USP15: variants seen among roughly 807,000 people sequenced by gnomAD.
USP15 encodes the protein ubiquitin specific peptidase 15.
USP15 carries 18 observed loss-of-function variants against 127.1 expected under a neutral mutation model. The observed-to-expected ratio is 0.14, with a 90% CI of 0.10 to 0.21. The LOEUF is 0.21. USP15 is among the 10% of genes least tolerant of loss of function. The pLI is 1.00. For missense variants in USP15, 805 were observed against 1,159.9 expected (o/e 0.69, Z 4.44); for synonymous variants, 364 against 393.7 (o/e 0.92, Z 0.89).
rs570906886 is a variant in USP15, at chr12:62,415,578, G to T, written c.*11203G>T. 1 of 152,334 alleles carries T rather than the reference G, an allele frequency of 6.6e-6. No homozygotes were observed. Among genetic ancestry groups the T allele is most frequent in the South Asian group, 2.1e-4 (1 of 4,826 alleles). The allele number at this position is 152,334 out of a possible 1,614,324, so 9.4% of individuals were successfully genotyped here. A position where few individuals can be genotyped will look rare whatever the true frequency, so the allele number is the denominator to read the frequency against. ...TTTGTGCAACTCACCTCACCTCTCT[G>T]CCTTTCACCTCTCTGTAAACTAGAG... On this transcript the variant is annotated 3_prime_UTR_variant, in exon 22 of 22. Coordinates refer to ENST00000280377, the MANE Select transcript of USP15 (RefSeq NM_001252078.2).
intron 1 of USP15, among the ~76,000 whole-genome samples, chr12:62,278,934 GT>G (rs1037613222): frequency 2.0e-5 from 3 of 152,112 alleles, no homozygotes; most frequent in Admixed American, 6.6e-5. Context: ...ATGCTTATCA[GT>G]TTCACACCAT....
intron 1 of USP15, among the ~76,000 whole-genome samples, chr12:62,272,331 A>C (rs1252267298): frequency 6.6e-6 from 1 of 151,996 alleles, no homozygotes; most frequent in Non-Finnish European, 1.5e-5. Flanking sequence ...AGGACTGCCT[A>C]TGCCTACTCT....
chr12:62,389,386 T>C (rs764096593), intron 11 of USP15, 45 bp from the exon 12 acceptor site: 4 of 1,535,902 alleles, frequency 2.6e-6, no homozygotes, highest in South Asian at 1.2e-5. Flanking sequence ...TACTGAATTT[T>C]TTTTCCAAAA....
At chr12:62,351,696 A>G (rs1166872046) in intron 7 of USP15, among the ~76,000 whole-genome samples, 2 of 152,020 alleles carry the variant, frequency 1.3e-5, no homozygotes, top group East Asian at 1.9e-4. Context: ...TGACTACATT[A>G]TATTTTTAGC....
chr12:62,335,376 A>G (rs1180842246), intron 6 of USP15: 2 of 1,423,104 alleles, frequency 1.4e-6, no homozygotes, highest in Non-Finnish European at 1.8e-6. Flanking sequence ...TTATCACTCA[A>G]CAGTAATGTC....
Position 62,294,302 on chromosome 12 carries a change from C to T in USP15, c.213C>T (p.Leu71=), listed in dbSNP as rs1280844984. 1.2e-6 allele frequency: 2 copies of T among 1,605,196 alleles called. No homozygotes were observed. Among genetic ancestry groups the T allele is most frequent in the East Asian group, 4.5e-5 (2 of 44,426 alleles). Residue 71 remains leucine (L), a synonymous_variant, in exon 2 of 22, where the codon CTC becomes CTT. Coordinates refer to ENST00000280377, the MANE Select transcript of USP15 (RefSeq NM_001252078.2). ...YPGPIDNSGL[L]KDGDAQSLKE... ...GACCCATTGATAACTCTGGACTTCT[C>T]AAAGGTCATTATTTTCTTCCTTCAG...
At chr12:62,279,413 T>C (rs1052102413) in intron 1 of USP15, among the ~76,000 whole-genome samples, 1 of 152,230 alleles carries the variant, frequency 6.6e-6, no homozygotes, top group Non-Finnish European at 1.5e-5. Context: ...GCATCTTGGC[T>C]ATTGTGAATA....
chr12:62,304,845 A>C (rs74373092), intron 3 of USP15: 1 of 275,902 alleles, frequency 3.6e-6, no homozygotes, highest in Non-Finnish European at 7.4e-6. Flanking sequence ...AAAAAAAAAA[A>C]GGCAGATGAG....
Position 62,317,445 on chromosome 12 carries a change from A to G in USP15, c.475+2529A>G, listed in dbSNP as rs79402362. On this transcript the variant is annotated intron_variant, in intron 4 of 21. Coordinates refer to ENST00000280377, the MANE Select transcript of USP15 (RefSeq NM_001252078.2). The stretch of plus-strand genomic sequence containing the variant: ...ACTTCATAAGCAGAGCTCTTAAACT[A>G]GAGTCTCATCTCTCAATTGCTGCCT... Among the ~76,000 whole-genome samples the G allele has an allele frequency of 7.1e-3, 1,076 of 152,308 alleles. 10 individuals are homozygous for G. Among genetic ancestry groups the G allele is most frequent in the African/African-American group, 0.024 (982 of 41,570 alleles).
intron 8 of USP15, among the ~76,000 whole-genome samples, chr12:62,358,496 C>T (rs568823106): frequency 6.6e-6 from 1 of 152,120 alleles, no homozygotes; most frequent in Non-Finnish European, 1.5e-5. Flanking sequence ...GAGTGGATCA[C>T]CTGAAGTCAG....
chr12:62,337,410 C>T (rs1004191435), intron 6 of USP15, among the ~76,000 whole-genome samples: 1 of 152,104 alleles, frequency 6.6e-6, no homozygotes, highest in African/African-American at 2.4e-5. Flanking sequence ...GAGCAAGTCA[C>T]GTCTCAGAGC....
At chr12:62,306,326 T>TGTGGC (rs1279090234) in intron 3 of USP15, among the ~76,000 whole-genome samples, 4 of 152,234 alleles carry the variant, frequency 2.6e-5, no homozygotes, top group Non-Finnish European at 4.4e-5. Context: ...AAACTTGAAA[T>TGTGGC]GTGGCGTGGC....
intron 8 of USP15, among the ~76,000 whole-genome samples, chr12:62,378,815 T>C (rs2066906582): frequency 1.3e-5 from 2 of 152,156 alleles, no homozygotes; most frequent in Non-Finnish European, 2.9e-5. Context: ...TAGTATTTCA[T>C]TCAACAAAAA....
At chr12:62,328,292 G>A in intron 6 of USP15, 1 of 453,476 alleles carries the variant, frequency 2.2e-6, no homozygotes, top group Non-Finnish European at 4.4e-6. Context: ...AATGTTTTCA[G>A]CTTTGTGGGC....
chr12:62,356,399 CCATT>C (rs1220191290), intron 8 of USP15, among the ~76,000 whole-genome samples: 1 of 151,892 alleles, frequency 6.6e-6, no homozygotes, highest in Non-Finnish European at 1.5e-5. Context: ...TGACTCTTCA[CCATT>C]CAGTATTCTA....
Position 62,404,531 on chromosome 12 carries a change from G to C in USP15, c.*156G>C. The stretch of plus-strand genomic sequence containing the variant: ...TCAGATTTTAACTTGTGCAGTACTT[G>C]AAGTGAAACACAATGAAAACTTTAA... On this transcript the variant is annotated 3_prime_UTR_variant, in exon 22 of 22. Transcript: ENST00000280377. The C allele has an allele frequency of 9.4e-7, 1 of 1,058,542 alleles. No individual in the cohort carries two copies. Among genetic ancestry groups the C allele is most frequent in the Non-Finnish European group, 1.3e-6 (1 of 798,062 alleles). 65.6% of individuals were successfully genotyped at this position (1,058,542 alleles called of 1,614,324 possible).
In USP15 at chr12:62,389,649, C is replaced by T. The variant is rs370305930; in HGVS notation, c.1602C>T (p.Phe534=). 8.4e-5 allele frequency: 135 copies of T among 1,612,836 alleles called. No homozygotes were observed. The highest frequency in any genetic ancestry group is 1.0e-4 in the Non-Finnish European group (121 of 1,179,468). ...ACAATCATAGATTTCACAGAATATT[C>T]GCTATGGATGAAAACCTTAGTAGTA... ...DIYNHRFHRI[F]AMDENLSSIM... is the part of the protein sequence containing the mutation. Residue 534 remains phenylalanine, a synonymous_variant, in exon 13 of 22, where the codon TTC becomes TTT. Transcript: ENST00000280377.
At chr12:62,288,694 A>G (rs1416634137) in intron 1 of USP15, among the ~76,000 whole-genome samples, 6 of 152,042 alleles carry the variant, frequency 3.9e-5, no homozygotes, top group Admixed American at 2.0e-4. Flanking sequence ...AATTCTTTCA[A>G]CTTTTCTCCA....
intron 8 of USP15, among the ~76,000 whole-genome samples, chr12:62,379,330 A>C: frequency 6.6e-6 from 1 of 152,114 alleles, no homozygotes; most frequent in South Asian, 2.1e-4. Context: ...GTATTGACAA[A>C]GGATGAGGCT....
Sources: allele counts gnomAD v4.1 joint callset (sites outside exome capture counted in the v4.1 genomes callset), GRCh38; gene constraint gnomAD v4.1.1; transcripts MANE v1.5; gene names NCBI Gene and HGNC (gene_info 2026-07-23, HGNC 2026-07-21).